SLC17A3: variants seen among roughly 807,000 people sequenced by gnomAD.
The protein encoded by SLC17A3 is solute carrier family 17 member 3, also known as sodium-dependent phosphate transport protein 4.
Under a neutral mutation model 60.3 loss-of-function variants are expected in SLC17A3, and 61 were observed. The ratio of observed to expected loss-of-function variants is 1.01; its 90% CI spans 0.82 to 1.25. The LOEUF (loss-of-function observed/expected upper bound fraction) is 1.25, where lower values mean the gene tolerates loss of function less well. SLC17A3 is among the 50% of genes most tolerant of loss of function. The probability of loss-of-function intolerance (pLI) is 0.00; values close to 1 mark genes in which losing one functional copy is unlikely to be tolerated. For synonymous variants in SLC17A3, 192 were observed against 208.9 expected (o/e 0.92, Z 0.70); for missense variants, 624 against 594.9 (o/e 1.05, Z -0.51).
Position 25,862,443 on chromosome 6 carries a change from A to G in SLC17A3, c.93T>C (p.Val31=), listed in dbSNP as rs770455457. The change falls in exon 3 of 13, where the codon GTT becomes GTC. Residue 31 remains valine, a splice_region_variant and synonymous_variant. Transcript: ENST00000397060. The part of the protein sequence containing the change: ...QVDETLIPRK[V]PSLCSARYGI... ...CATAGCGAGCAGAACATAAACTTGG[A>G]ACTGGAAATATTATGACATCATATT... 1.2e-6 allele frequency: 2 copies of G among 1,610,876 alleles called. No homozygotes were observed. The highest frequency in any genetic ancestry group is 2.2e-5 in the East Asian group (1 of 44,880).
chr6:25,853,328 T>C (rs1196114360), intron 6 of SLC17A3, among the ~76,000 whole-genome samples: 1 of 151,674 alleles, frequency 6.6e-6, no homozygotes, highest in African/African-American at 2.4e-5. Flanking sequence ...GATTTGTCAA[T>C]GCTATTGATC....
chr6:25,862,155 A>T (rs960272969), intron 3 of SLC17A3, 78 bp downstream of exon 3: 9 of 1,445,330 alleles, frequency 6.2e-6, no homozygotes, highest in Middle Eastern at 3.5e-4. Context: ...TTTTAAACAT[A>T]CATACTCTAG....
chr6:25,867,820 A>G (rs1041227086), intron 2 of SLC17A3, among the ~76,000 whole-genome samples: 2 of 151,970 alleles, frequency 1.3e-5, no homozygotes, highest in African/African-American at 4.8e-5. Flanking sequence ...CTGTCAAGTT[A>G]GAAAATATAC....
intron 11 of SLC17A3, among the ~76,000 whole-genome samples, chr6:25,847,558 A>G (rs897054953): frequency 2.6e-5 from 4 of 152,286 alleles, no homozygotes; most frequent in African/African-American, 9.6e-5. Flanking sequence ...TTTTCTCTGT[A>G]ACCTCTCCAG....
chr6:25,853,412 T>G (rs1765312101), intron 6 of SLC17A3, among the ~76,000 whole-genome samples: 1 of 130,740 alleles, frequency 7.6e-6, no homozygotes, highest in African/African-American at 2.9e-5. Context: ...GCATGTTTTT[T>G]TTTTTTTTTT....
intron 5 of SLC17A3, among the ~76,000 whole-genome samples, chr6:25,859,546 C>T (rs914750922): frequency 6.6e-6 from 1 of 152,210 alleles, no homozygotes; most frequent in Admixed American, 6.5e-5. Context: ...CCCATTCTGT[C>T]TCCATGTGCT....
intron 2 of SLC17A3, among the ~76,000 whole-genome samples, chr6:25,866,718 A>C (rs1425483761): frequency 2.0e-5 from 3 of 151,972 alleles, no homozygotes; most frequent in African/African-American, 7.2e-5. Context: ...TGTATTGAAG[A>C]ATAAGAATAC....
rs777114226 is a variant in SLC17A3 at position 25,850,192 on chromosome 6, T to C, written c.994-15A>G. On this transcript the variant is annotated splice_polypyrimidine_tract_variant and intron_variant, in intron 8 of 12. Coordinates refer to ENST00000397060, the MANE Select transcript of SLC17A3 (RefSeq NM_001098486.2). ...AGAAGTCCATTCTAAAGAGAAAAGA[T>C]TGAGTAAATTACCATAATAAAGGCA... is the stretch of plus-strand genomic sequence containing the variant. 3 of 1,611,536 alleles carry C rather than the reference T, an allele frequency of 1.9e-6. No homozygotes were observed. The highest frequency in any genetic ancestry group is 2.7e-5 in the African/African-American group (2 of 74,914).
chr6:25,850,945 G>T, intron 6 of SLC17A3, 68 bp from the exon 7 acceptor site: 2 of 1,132,478 alleles, frequency 1.8e-6, no homozygotes, highest in East Asian at 2.3e-5. Flanking sequence ...CTTTTATGTT[G>T]GGATATTTTC....
At chr6:25,848,125 C>T (rs909639080) in intron 11 of SLC17A3, among the ~76,000 whole-genome samples, 4 of 152,160 alleles carry the variant, frequency 2.6e-5, no homozygotes, top group African/African-American at 9.7e-5. Flanking sequence ...ATGTATACCA[C>T]AGTTTCTTTA....
chr6:25,850,234 T>C, intron 8 of SLC17A3, 57 bp from the exon 9 acceptor site: 1 of 1,548,002 alleles, frequency 6.5e-7, no homozygotes, highest in Non-Finnish European at 8.9e-7. Context: ...CCACAACTTT[T>C]GTTGATAAAT....
chr6:25,870,628 G>C (rs917325130), intron 1 of SLC17A3, among the ~76,000 whole-genome samples: 2 of 151,950 alleles, frequency 1.3e-5, no homozygotes, highest in Admixed American at 1.3e-4. Flanking sequence ...TCTTGAACTT[G>C]GTTATATGAC....
At chr6:25,873,309 C>A (rs74636226) in intron 1 of SLC17A3, among the ~76,000 whole-genome samples, 1,617 of 152,194 alleles carry the variant, frequency 0.011, 19 homozygotes, top group Non-Finnish European at 0.014. Context: ...AAAAGCTATG[C>A]TGGTTATCTG....
rs571118874 is a variant in SLC17A3 at position 25,849,864 on chromosome 6, G to T, written c.1212C>A (p.Cys404Ter). Residue 404 changes from cysteine (C) to a stop codon, truncating the protein, a stop_gained, in exon 10 of 13, where the codon TGC (cysteine) becomes TGA (stop). Transcript: ENST00000397060. LOFTEE classifies it high-confidence loss of function. ...ITATALLTLSCGLSTLCQSGI... is the reference protein window; with the variant it reads ...ITATALLTLS Reference sequence around the variant, plus strand: ...CTGACTGACACAATGTGCTTAATCCGCAAGAGAGCGTCAGCAAGGCAGTTG... The same window carrying T: ...CTGACTGACACAATGTGCTTAATCCTCAAGAGAGCGTCAGCAAGGCAGTTG... 6.2e-7 allele frequency: 1 copy of T among 1,613,966 alleles called. No homozygotes were observed. The highest frequency in any genetic ancestry group is 1.1e-5 in the South Asian group (1 of 91,082).
At chr6:25,867,037 T>G (rs999138353) in intron 2 of SLC17A3, among the ~76,000 whole-genome samples, 3 of 151,978 alleles carry the variant, frequency 2.0e-5, no homozygotes, top group African/African-American at 7.2e-5. Context: ...AACCAAACTC[T>G]TGAGCCCTAC....
At chr6:25,869,674 T>C (rs1355486476) in intron 1 of SLC17A3, among the ~76,000 whole-genome samples, 1 of 151,952 alleles carries the variant, frequency 6.6e-6, no homozygotes, top group African/African-American at 2.4e-5. Flanking sequence ...GCAGGGGAAC[T>C]CCCATTTATA....
intron 5 of SLC17A3, among the ~76,000 whole-genome samples, chr6:25,855,681 A>G (rs916642334): frequency 3.9e-5 from 6 of 152,196 alleles, no homozygotes; most frequent in African/African-American, 1.4e-4. Flanking sequence ...CTCTTGGTAA[A>G]TGCATTACGT....
At chr6:25,866,306 C>T (rs959668822) in intron 2 of SLC17A3, among the ~76,000 whole-genome samples, 1 of 151,974 alleles carries the variant, frequency 6.6e-6, no homozygotes, top group African/African-American at 2.4e-5. Context: ...GGCCTTCAGC[C>T]AAAATCTAGC....
chr6:25,850,964 G>T, intron 6 of SLC17A3, 87 bp from the exon 7 acceptor site: 1 of 982,512 alleles, frequency 1.0e-6, no homozygotes, highest in Non-Finnish European at 1.6e-6. Flanking sequence ...TCTGTTATAA[G>T]TTCTAGGAAA....
Sources: gnomAD v4.1 joint callset for allele counts (sites outside exome capture counted in the v4.1 genomes callset) on GRCh38, gnomAD v4.1.1 for gene constraint, MANE v1.5 for transcripts, NCBI Gene and HGNC (gene_info 2026-07-23, HGNC 2026-07-21) for gene names.